The following PERP variants were observed in gnomAD, a reference collection of about 807,000 sequenced individuals.
PERP encodes p53 apoptosis effector related to PMP-22.
PERP carries 11 observed loss-of-function variants against 20.3 expected under a neutral mutation model. The ratio of observed to expected loss-of-function variants is 0.54; its 90% CI spans 0.34 to 0.90. The LOEUF (loss-of-function observed/expected upper bound fraction) is 0.90. PERP is among the 40% of genes least tolerant of loss of function. The pLI is 0.02. For synonymous variants in PERP, 101 were observed against 102.0 expected (o/e 0.99, Z 0.06); for missense variants, 224 against 249.4 (o/e 0.90, Z 0.69).
chr6:138,104,333 G>GTGT (rs1451721158), intron 1 of PERP, among the ~76,000 whole-genome samples: 1 of 152,120 alleles, frequency 6.6e-6, no homozygotes, highest in Non-Finnish European at 1.5e-5. Context: ...TTTTAGCTGG[G>GTGT]TGTTAATTTA....
intron 2 of PERP, among the ~76,000 whole-genome samples, chr6:138,095,526 T>C (rs1258586591): frequency 6.6e-6 from 1 of 152,214 alleles, no homozygotes; most frequent in East Asian, 1.9e-4. Context: ...ACCTCGGGTC[T>C]GTAGCTTGAA....
At chr6:138,092,392 G>A in intron 2 of PERP, 124 bp from the exon 3 acceptor site, 1 of 849,578 alleles carries the variant, frequency 1.2e-6, no homozygotes, top group Non-Finnish European at 1.8e-6. Flanking sequence ...AAATCTACCT[G>A]GAGGCAGGAG....
At chr6:138,099,022 A>C (rs1293871601) in intron 1 of PERP, among the ~76,000 whole-genome samples, 4 of 152,248 alleles carry the variant, frequency 2.6e-5, no homozygotes, top group Non-Finnish European at 2.9e-5. Flanking sequence ...GATAACTTTT[A>C]AGAGAAGAGG....
rs1464470671 is a variant in PERP at position 138,088,892 on chromosome 6, T to A, written c.*3150A>T. 6.6e-6 allele frequency: 1 copy of A among 152,166 alleles called. No individual in the cohort carries two copies. The highest frequency in any genetic ancestry group is 1.5e-5 in the Non-Finnish European group (1 of 68,044). The allele number at this position is 152,166 out of a possible 1,614,324, so 9.4% of individuals were successfully genotyped here. A position where few individuals can be genotyped will look rare whatever the true frequency, so the allele number is the denominator to read the frequency against. ...TTTATATATTACTTATTTTTAAAAC[T>A]CAACTGTAAAAATAAGTGTTGCAGG... On this transcript the variant is annotated 3_prime_UTR_variant, in exon 3 of 3. Transcript: ENST00000421351.
chr6:138,107,356 G>T lies in PERP; in HGVS notation c.-16C>A. 2 of 1,574,032 alleles carry T rather than the reference G, an allele frequency of 1.3e-6. No individual in the cohort carries two copies. The highest frequency in any genetic ancestry group is 8.6e-7 in the Non-Finnish European group (1 of 1,165,752). ...AGCGGATCATGTTGACGGGCGGCGC[G>T]GGGCCGAGCGGAGCGGAGCGGAGCG... On this transcript the variant is annotated 5_prime_UTR_variant, in exon 1 of 3. Transcript: ENST00000421351. The surrounding 1 kb of genome is among the most constrained non-coding windows in gnomAD (Gnocchi z 4.8).
intron 1 of PERP, among the ~76,000 whole-genome samples, chr6:138,098,565 C>T (rs568230542): frequency 7.2e-5 from 11 of 152,284 alleles, no homozygotes; most frequent in Non-Finnish European, 8.8e-5. Flanking sequence ...CTTCTACATT[C>T]GCAAGGTTCT....
chr6:138,100,110 T>C (rs1057371627), intron 1 of PERP, among the ~76,000 whole-genome samples: 1 of 152,218 alleles, frequency 6.6e-6, no homozygotes, highest in African/African-American at 2.4e-5. Flanking sequence ...TAAAGCAATC[T>C]GCCTTCTCAT....
chr6:138,093,631 T>C (rs1266488190), intron 2 of PERP, among the ~76,000 whole-genome samples: 1 of 152,198 alleles, frequency 6.6e-6, no homozygotes, highest in Non-Finnish European at 1.5e-5. Context: ...TCTAATTTTC[T>C]TAGTAATAAA....
In PERP at chr6:138,089,692, A is replaced by C. The variant is rs1775546581; in HGVS notation, c.*2350T>G. On this transcript the variant is annotated 3_prime_UTR_variant, in exon 3 of 3. Transcript: ENST00000421351. ...TCTGGAACTTCCCTTCTGTTATGAC[A>C]TAAAGGTATCTGTCTTGGTGAATCT... 1 of 152,242 alleles carries C rather than the reference A, an allele frequency of 6.6e-6. No individual in the cohort carries two copies. Among genetic ancestry groups the C allele is most frequent in the Admixed American group, 6.5e-5 (1 of 15,284 alleles). The allele number at this position is 152,242 out of a possible 1,614,324, so 9.4% of individuals were successfully genotyped here.
In PERP at chr6:138,091,053, G is replaced by T. The variant is rs1209688384; in HGVS notation, c.*989C>A. ...AGACCAGGATTTTAACTATATGTAG[G>T]TTTCTGCTTACAGTTGCAAACTATC... On this transcript the variant is annotated 3_prime_UTR_variant, in exon 3 of 3. Transcript: ENST00000421351. 1.3e-5 allele frequency: 2 copies of T among 152,260 alleles called. No homozygotes were observed. Among genetic ancestry groups the T allele is most frequent in the Non-Finnish European group, 2.9e-5 (2 of 68,024 alleles). 9.4% of individuals were successfully genotyped at this position (152,260 alleles called of 1,614,324 possible). A position where few individuals can be genotyped will look rare whatever the true frequency, so the allele number is the denominator to read the frequency against.
intron 2 of PERP, among the ~76,000 whole-genome samples, chr6:138,093,116 T>C (rs964568524): frequency 2.0e-5 from 3 of 152,232 alleles, no homozygotes; most frequent in African/African-American, 4.8e-5. Context: ...TCTTTTTCAA[T>C]GGACATGCAT....
At chr6:138,103,924 T>C (rs75875437) in intron 1 of PERP, among the ~76,000 whole-genome samples, 1 of 152,200 alleles carries the variant, frequency 6.6e-6, no homozygotes. Flanking sequence ...GCATTTACAG[T>C]ATGCAAAGGG....
chr6:138,100,737 G>A (rs1167705131), intron 1 of PERP, among the ~76,000 whole-genome samples: 1 of 152,178 alleles, frequency 6.6e-6, no homozygotes, highest in Non-Finnish European at 1.5e-5. Flanking sequence ...CCAATTTGGT[G>A]TCCTAACTTT....
chr6:138,090,612 A>T lies in PERP; in HGVS notation c.*1430T>A, dbSNP rs1775563148. On this transcript the variant is annotated 3_prime_UTR_variant, in exon 3 of 3. Transcript: ENST00000421351. ...GGGAATAGACTATTAGAATTCATTA[A>T]TCTCCACTCAAAAATTGGTTTTGGA... is the stretch of plus-strand genomic sequence containing the variant. The T allele has an allele frequency of 6.6e-6, 1 of 152,536 alleles. No individual in the cohort carries two copies. Among genetic ancestry groups the T allele is most frequent in the Non-Finnish European group, 1.5e-5 (1 of 68,022 alleles). The allele number at this position is 152,536 out of a possible 1,614,324, so 9.4% of individuals were successfully genotyped here. A position where few individuals can be genotyped will look rare whatever the true frequency, so the allele number is the denominator to read the frequency against.
intron 1 of PERP, among the ~76,000 whole-genome samples, chr6:138,104,279 G>A (rs1428950965): frequency 6.6e-6 from 1 of 152,014 alleles, no homozygotes; most frequent in African/African-American, 2.4e-5. Flanking sequence ...TTCCTGTTTT[G>A]ACAAATATAA....
At chr6:138,093,900 T>A (rs904737626) in intron 2 of PERP, among the ~76,000 whole-genome samples, 1 of 150,334 alleles carries the variant, frequency 6.7e-6, no homozygotes, top group Non-Finnish European at 1.5e-5. Context: ...TCTGTTCTAT[T>A]TTTCATACTC....
At chr6:138,093,384 AT>A (rs575504371) in intron 2 of PERP, among the ~76,000 whole-genome samples, 5,243 of 143,958 alleles carry the variant, frequency 0.036, 137 homozygotes, top group Admixed American at 0.08. Flanking sequence ...TTTCTTCTTC[AT>A]TTTTTTTTTT....
At chr6:138,104,701 T>C (rs1271964098) in intron 1 of PERP, among the ~76,000 whole-genome samples, 2 of 152,362 alleles carry the variant, frequency 1.3e-5, no homozygotes, top group South Asian at 4.1e-4. Flanking sequence ...TCAAAGTGGA[T>C]GTACACACTC....
chr6:138,096,518 A>G (rs1775697858), intron 1 of PERP, 24 bp from the exon 2 acceptor site: 1 of 1,598,282 alleles, frequency 6.3e-7, no homozygotes, highest in Non-Finnish European at 8.5e-7. Flanking sequence ...AGAAACAGCA[A>G]TTAACAAGAC....
Sources: gnomAD v4.1 joint callset for allele counts (sites outside exome capture counted in the v4.1 genomes callset) on GRCh38, gnomAD v4.1.1 for gene constraint, Gnocchi (gnomAD v3.1) non-coding constraint, MANE v1.5 for transcripts, NCBI Gene and HGNC (gene_info 2026-07-23, HGNC 2026-07-21) for gene names.